Variants in KCNIP4 observed in about 807,000 individuals in gnomAD.
KCNIP4 encodes Kv channel-interacting protein 4.
KCNIP4 carries 12 observed loss-of-function variants against 34.0 expected under a neutral mutation model. The ratio of observed to expected loss-of-function variants is 0.35; its 90% CI spans 0.23 to 0.57. The LOEUF is 0.57. Among genes scored for constraint, KCNIP4 ranks in the 20% least tolerant of loss-of-function variants. The pLI is 0.83. For missense variants in KCNIP4, 238 were observed against 311.7 expected (o/e 0.76, Z 1.78); for synonymous variants, 124 against 102.2 (o/e 1.21, Z -1.29).
At chr4:20,764,285 T>G (rs376775353) in intron 3 of KCNIP4, among the ~76,000 whole-genome samples, 1 of 152,280 alleles carries the variant, frequency 6.6e-6, no homozygotes, top group South Asian at 2.1e-4. Context: ...AAATAAAGTT[T>G]TAATAAGACA....
intron 1 of KCNIP4, among the ~76,000 whole-genome samples, chr4:21,575,199 T>C (rs1414302496): frequency 6.6e-6 from 1 of 150,900 alleles, no homozygotes. Context: ...TGGGTAGCCA[T>C]GGAGTTTAAA....
intron 1 of KCNIP4, chr4:21,582,079 AATGGAATGGG>A (rs768292919): frequency 6.7e-6 from 1 of 149,206 alleles, no homozygotes; most frequent in East Asian, 2.0e-4. Flanking sequence ...AATGGAATGG[AATGGAATGGG>A]ATGGGATATT....
chr4:21,538,324 G>A (rs772509804), intron 1 of KCNIP4, among the ~76,000 whole-genome samples: 47 of 152,020 alleles, frequency 3.1e-4, no homozygotes, highest in Non-Finnish European at 5.7e-4. Flanking sequence ...GTCACCCTAG[G>A]AAACTAACAC....
chr4:21,817,506 C>A (rs190093143), intron 1 of KCNIP4, among the ~76,000 whole-genome samples: 2 of 151,976 alleles, frequency 1.3e-5, no homozygotes, highest in East Asian at 1.9e-4. Context: ...TGACTGCCTG[C>A]GGGGTCGGGC....
chr4:21,717,482 CA>C (rs1441943742), intron 1 of KCNIP4, among the ~76,000 whole-genome samples: 1 of 152,030 alleles, frequency 6.6e-6, no homozygotes, highest in Non-Finnish European at 1.5e-5. Flanking sequence ...TTATAACCCT[CA>C]AAAAAAGCTG....
intron 3 of KCNIP4, among the ~76,000 whole-genome samples, chr4:20,842,772 G>A (rs541319955): frequency 3.3e-5 from 5 of 152,214 alleles, no homozygotes; most frequent in African/African-American, 9.6e-5. Flanking sequence ...TGACAGCAGC[G>A]TGTGAGAGGC....
chr4:20,941,442 A>G (rs1731630210), intron 1 of KCNIP4, among the ~76,000 whole-genome samples: 1 of 152,254 alleles, frequency 6.6e-6, no homozygotes, highest in South Asian at 2.1e-4. Flanking sequence ...TAGAAAAGCT[A>G]GTACAGAAAG....
chr4:21,399,861 T>C (rs190973447), intron 1 of KCNIP4, among the ~76,000 whole-genome samples: 34 of 152,276 alleles, frequency 2.2e-4, no homozygotes, highest in Non-Finnish European at 2.9e-5. Context: ...AAGCTATTTC[T>C]AGACGTGGAG....
chr4:20,916,458 G>GA (rs1728825348), intron 1 of KCNIP4: 1 of 476,346 alleles, frequency 2.1e-6, no homozygotes, highest in Admixed American at 6.4e-5. Context: ...CAATCTAGGA[G>GA]AAAAAATAGT....
In KCNIP4 at chr4:21,703,410, A is replaced by C. The variant is rs546539754; in HGVS notation, c.61+245161T>G. Reference sequence around the variant, plus strand: ...TATTATACTTTAAGTTTTAGGGTGCATGTGCACATGGATGAAGCTGGAAAC... The same window carrying C: ...TATTATACTTTAAGTTTTAGGGTGCCTGTGCACATGGATGAAGCTGGAAAC... On this transcript the variant is annotated intron_variant, in intron 1 of 8. Coordinates refer to ENST00000382152, the MANE Select transcript of KCNIP4 (RefSeq NM_025221.6). Among the ~76,000 whole-genome samples, 13 of 152,298 alleles carry C rather than the reference A, an allele frequency of 8.5e-5. No homozygotes were observed. The East Asian group carries it at 2.1e-3, about 25-fold the overall frequency.
intron 1 of KCNIP4, among the ~76,000 whole-genome samples, chr4:20,900,762 T>C (rs990811442): frequency 2.0e-5 from 3 of 152,032 alleles, no homozygotes; most frequent in African/African-American, 4.8e-5. Context: ...ACAGACTTTA[T>C]TGGTTGAAGA....
intron 1 of KCNIP4, among the ~76,000 whole-genome samples, chr4:21,603,795 C>T (rs1015807957): frequency 2.0e-5 from 3 of 151,940 alleles, no homozygotes; most frequent in African/African-American, 7.2e-5. Flanking sequence ...AAAGATTTAA[C>T]AAAATCAAAA....
chr4:21,540,592 T>A (rs547533655), intron 1 of KCNIP4, among the ~76,000 whole-genome samples: 38 of 152,314 alleles, frequency 2.5e-4, no homozygotes, highest in African/African-American at 8.7e-4. Flanking sequence ...GATGATTCAC[T>A]GTACTTTATC....
intron 1 of KCNIP4, among the ~76,000 whole-genome samples, chr4:21,689,189 A>G (rs1335670117): frequency 6.6e-6 from 1 of 152,200 alleles, no homozygotes; most frequent in Admixed American, 6.5e-5. Flanking sequence ...ATACAATTAA[A>G]GGCAAGTGAG....
At chr4:21,606,567 T>G (rs1238681911) in intron 1 of KCNIP4, among the ~76,000 whole-genome samples, 1 of 152,044 alleles carries the variant, frequency 6.6e-6, no homozygotes, top group Non-Finnish European at 1.5e-5. Flanking sequence ...TTAGTTTCTG[T>G]GCTGTTTTGT....
At chr4:21,726,362 G>T (rs1342823400) in intron 1 of KCNIP4, among the ~76,000 whole-genome samples, 2 of 152,094 alleles carry the variant, frequency 1.3e-5, no homozygotes, top group African/African-American at 4.8e-5. Flanking sequence ...TGTATTTTAA[G>T]CTGCCAAAAA....
chr4:21,867,446 A>G (rs948203230), intron 1 of KCNIP4, among the ~76,000 whole-genome samples: 11 of 152,228 alleles, frequency 7.2e-5, no homozygotes, highest in Admixed American at 2.6e-4. Flanking sequence ...CTACTACTAC[A>G]TTCTCTGTCT....
intron 1 of KCNIP4, among the ~76,000 whole-genome samples, chr4:21,756,737 A>G (rs561692667): frequency 1.9e-4 from 29 of 152,222 alleles, no homozygotes; most frequent in Non-Finnish European, 2.8e-4. Context: ...AGAAAAATCA[A>G]TGAACACTCC....
At chr4:21,307,130 G>T (rs4696974) in intron 1 of KCNIP4, among the ~76,000 whole-genome samples, 77,315 of 151,962 alleles carry the variant, frequency 0.51, 19,938 homozygotes, top group South Asian at 0.62. Flanking sequence ...CAACCGTGCC[G>T]GGCCGGCAGG....
Sources: allele counts gnomAD v4.1 joint callset (sites outside exome capture counted in the v4.1 genomes callset), GRCh38; gene constraint gnomAD v4.1.1; transcripts MANE v1.5; gene names NCBI Gene and HGNC (gene_info 2026-07-23, HGNC 2026-07-21).